The following TANK variants were observed in gnomAD, a reference collection of about 807,000 sequenced individuals.
TANK encodes the protein TRAF family member-associated NF-kappa-B activator.
TANK carries 15 observed loss-of-function variants against 43.6 expected under a neutral mutation model. That is an observed-to-expected ratio of 0.34 (90% CI 0.23 to 0.53). The LOEUF (loss-of-function observed/expected upper bound fraction) is 0.53. TANK is among the 20% of genes least tolerant of loss of function. The pLI, the probability that TANK is intolerant of heterozygous loss-of-function variation, is 0.94. For synonymous variants in TANK, 162 were observed against 178.2 expected (o/e 0.91, Z 0.73); for missense variants, 417 against 498.6 (o/e 0.84, Z 1.56).
chr2:161,150,438 A>T (rs1684040384), intron 1 of TANK, among the ~76,000 whole-genome samples: 1 of 151,766 alleles, frequency 6.6e-6, no homozygotes, highest in Non-Finnish European at 1.5e-5. Context: ...AGTTTCATTG[A>T]TTCTCTCAAC....
intron 2 of TANK, among the ~76,000 whole-genome samples, chr2:161,183,989 T>G (rs1192652732): frequency 2.6e-5 from 4 of 152,040 alleles, no homozygotes; most frequent in Non-Finnish European, 5.9e-5. Flanking sequence ...GAAGAGACAC[T>G]TGGTCTATGA....
chr2:161,161,157 A>G, intron 1 of TANK: 2 of 1,437,588 alleles, frequency 1.4e-6, no homozygotes, highest in South Asian at 2.9e-5. Flanking sequence ...CAGGCAAAAA[A>G]GCTGTGCTTT....
intron 4 of TANK, 189 bp from the exon 5 acceptor site, chr2:161,223,725 CT>C: frequency 1.3e-5 from 5 of 383,884 alleles, no homozygotes; most frequent in Non-Finnish European, 1.4e-5. Flanking sequence ...CTTCATTTTC[CT>C]TTTTCCTTGA....
intron 1 of TANK, among the ~76,000 whole-genome samples, chr2:161,172,385 C>T (rs1287874289): frequency 3.9e-5 from 4 of 102,842 alleles, no homozygotes; most frequent in East Asian, 2.9e-4. Flanking sequence ...GGGGGTAAAA[C>T]GATTTTGGCC....
At chr2:161,232,513 C>T (rs1002216611) in intron 7 of TANK, among the ~76,000 whole-genome samples, 1 of 152,176 alleles carries the variant, frequency 6.6e-6, no homozygotes, top group African/African-American at 2.4e-5. Context: ...GTGGGAAGAA[C>T]TAGGCATGGC....
rs764521213 is a variant in TANK, at chr2:161,186,273, C to T, written c.99+6512C>T. Among the ~76,000 whole-genome samples the T allele has an allele frequency of 1.1e-4, 17 of 152,246 alleles. 1 individual carries two copies. Among genetic ancestry groups the T allele is most frequent in the Non-Finnish European group, 4.4e-5 (3 of 68,042 alleles). On this transcript the variant is annotated intron_variant, in intron 2 of 7. Coordinates refer to ENST00000392749, the MANE Select transcript of TANK (RefSeq NM_001199135.3). ...CCTTACCAGACAGTCCATTTATCTC[C>T]TACCACTCTATTCTCTCACAGCCTT...
At chr2:161,212,419 T>A in intron 4 of TANK, 1 of 984,084 alleles carries the variant, frequency 1.0e-6, no homozygotes, top group Non-Finnish European at 1.2e-6. Flanking sequence ...ATAATTACAT[T>A]GAAATTTTCT....
At chr2:161,150,711 C>T (rs1168729404) in intron 1 of TANK, among the ~76,000 whole-genome samples, 1 of 151,398 alleles carries the variant, frequency 6.6e-6, no homozygotes, top group East Asian at 2.0e-4. Flanking sequence ...CTCAGCCTCC[C>T]AAATAGCCGG....
chr2:161,216,557 G>C (rs1282732360), intron 4 of TANK: 3 of 205,312 alleles, frequency 1.5e-5, no homozygotes, highest in Non-Finnish European at 2.0e-5. Context: ...ACTAGGTCTT[G>C]GTAGTTTATT....
chr2:161,208,229 G>C (rs1289483763), intron 4 of TANK: 1 of 985,196 alleles, frequency 1.0e-6, no homozygotes, highest in African/African-American at 1.7e-5. Context: ...AGGCAAGAGG[G>C]ATATTTGAAG....
intron 1 of TANK, among the ~76,000 whole-genome samples, chr2:161,172,491 T>C (rs1164284371): frequency 6.6e-6 from 1 of 152,064 alleles, no homozygotes; most frequent in Non-Finnish European, 1.5e-5. Context: ...TCTTCATTTT[T>C]TTCCTATAGA....
chr2:161,165,961 A>C (rs1273441582), intron 1 of TANK, among the ~76,000 whole-genome samples: 1 of 152,254 alleles, frequency 6.6e-6, no homozygotes, highest in Non-Finnish European at 1.5e-5. Flanking sequence ...TTTGATAAAT[A>C]GTCTCAGAGA....
At chr2:161,144,840 C>T (rs1393337461) in intron 1 of TANK, among the ~76,000 whole-genome samples, 1 of 152,060 alleles carries the variant, frequency 6.6e-6, no homozygotes, top group Non-Finnish European at 1.5e-5. Context: ...GAGTTCAAAT[C>T]CTGAATATCC....
chr2:161,234,130 C>T lies in TANK; in HGVS notation c.1102-1212C>T, dbSNP rs144464962. On this transcript the variant is annotated intron_variant, in intron 7 of 7. Coordinates refer to ENST00000392749, the MANE Select transcript of TANK (RefSeq NM_001199135.3). ...GTTGTATATTTACACCAATTGTACA[C>T]AGCTGTCCAGTAAACTGTTCATAAG... Among the ~76,000 whole-genome samples, 411 of 152,278 alleles carry T rather than the reference C, an allele frequency of 2.7e-3. 3 individuals carry two copies. Among genetic ancestry groups the T allele is most frequent in the South Asian group, 9.9e-3 (48 of 4,828 alleles).
intron 1 of TANK, chr2:161,161,053 A>G (rs774996892): frequency 2.5e-4 from 156 of 629,996 alleles, no homozygotes; most frequent in Non-Finnish European, 3.5e-4. Context: ...TGGGTGGCCA[A>G]GGCAGGAAGA....
chr2:161,219,906 A>C, intron 4 of TANK: 1 of 342,594 alleles, frequency 2.9e-6, no homozygotes, highest in Non-Finnish European at 5.6e-6. Context: ...TTCTGTAGTG[A>C]ATTTTATCAA....
intron 7 of TANK, among the ~76,000 whole-genome samples, chr2:161,233,495 A>G (rs913658089): frequency 2.6e-5 from 4 of 152,136 alleles, no homozygotes; most frequent in African/African-American, 4.8e-5. Flanking sequence ...TCAAAATTTT[A>G]CTTTCTATCA....
chr2:161,195,673 A>G (rs554028259), intron 2 of TANK, among the ~76,000 whole-genome samples: 2 of 152,282 alleles, frequency 1.3e-5, no homozygotes, highest in South Asian at 2.1e-4. Flanking sequence ...ATGGAGTAAT[A>G]TGATTACATG....
intron 4 of TANK, among the ~76,000 whole-genome samples, chr2:161,209,496 G>A (rs1686787180): frequency 6.6e-6 from 1 of 152,164 alleles, no homozygotes; most frequent in South Asian, 2.1e-4. Context: ...AACCAGGATT[G>A]TAATGTACTG....
Sources: gnomAD v4.1 joint callset for allele counts (sites outside exome capture counted in the v4.1 genomes callset) on GRCh38, gnomAD v4.1.1 for gene constraint, MANE v1.5 for transcripts, NCBI Gene and HGNC (gene_info 2026-07-23, HGNC 2026-07-21) for gene names.